Variants in COL19A1 observed in about 807,000 individuals in gnomAD.
The protein encoded by COL19A1 is collagen alpha-1(XIX) chain.
In COL19A1, 159 loss-of-function variants were observed where a neutral mutation model predicts 190.2. The ratio of observed to expected loss-of-function variants is 0.84; its 90% CI spans 0.73 to 0.95. COL19A1 has a LOEUF of 0.95. COL19A1 is among the 40% of genes least tolerant of loss of function. COL19A1 has a pLI of 0.00. For synonymous variants in COL19A1, 509 were observed against 458.9 expected, an observed-to-expected ratio of 1.11 and a Z score of -1.39; for missense variants, 1,418 against 1,431.9, an observed-to-expected ratio of 0.99 and a Z score of 0.16.
At chr6:70,195,086 A>G (rs549356) in intron 48 of COL19A1, among the ~76,000 whole-genome samples, 4,510 of 149,060 alleles carry the variant, frequency 0.03, 240 homozygotes, top group African/African-American at 0.1. Context: ...TTATGTATGT[A>G]TATATGTACT....
chr6:69,881,810 A>G (rs891160016), intron 2 of COL19A1, among the ~76,000 whole-genome samples: 1 of 152,220 alleles, frequency 6.6e-6, no homozygotes, highest in Non-Finnish European at 1.5e-5. Flanking sequence ...TGTGATGGAA[A>G]TTGCTTAACT....
intron 17 of COL19A1, among the ~76,000 whole-genome samples, chr6:70,126,631 G>T (rs1785213748): frequency 6.6e-6 from 1 of 152,158 alleles, no homozygotes; most frequent in African/African-American, 2.4e-5. Context: ...TTTCAAGTGA[G>T]CACAGCTTTC....
At chr6:70,177,377 C>T (rs948610653) in intron 42 of COL19A1, among the ~76,000 whole-genome samples, 3 of 152,012 alleles carry the variant, frequency 2.0e-5, no homozygotes, top group Admixed American at 6.6e-5. Context: ...AGTCACCCAC[C>T]GAGATCTACT....
At chr6:69,993,062 G>C (rs9454934) in intron 11 of COL19A1, among the ~76,000 whole-genome samples, 2 of 152,028 alleles carry the variant, frequency 1.3e-5, no homozygotes, top group African/African-American at 4.8e-5. Flanking sequence ...TCCAGCTTTT[G>C]CCCATTCGGT....
intron 11 of COL19A1, among the ~76,000 whole-genome samples, chr6:69,967,433 G>A (rs1775181954): frequency 6.6e-6 from 1 of 152,230 alleles, no homozygotes. Context: ...CTGCAGCTGT[G>A]AGAGTCCATG....
intron 11 of COL19A1, among the ~76,000 whole-genome samples, chr6:69,975,438 A>G (rs188054723): frequency 2.6e-5 from 4 of 152,300 alleles, no homozygotes; most frequent in Non-Finnish European, 5.9e-5. Context: ...GGCTATTTCA[A>G]TGTCTTCACC....
chr6:70,130,231 G>GTT lies in COL19A1; in HGVS notation c.1383+8_1383+9insTT, dbSNP rs756558111. The GTT allele has an allele frequency of 1.9e-6, 3 of 1,607,644 alleles. No individual in the cohort carries two copies. The highest frequency in any genetic ancestry group is 2.7e-5 in the African/African-American group (2 of 73,062). ...GGCCTGAAAGGAGACAAGGTAATCA[G>GTT]ATTTTTTTTTTTTAGATGGAGTCTT... is the stretch of plus-strand genomic sequence containing the variant. On this transcript the variant is annotated intron_variant, in intron 18 of 50. Transcript: ENST00000620364.
chr6:69,887,261 A>G (rs530657232), intron 2 of COL19A1, among the ~76,000 whole-genome samples: 1 of 152,356 alleles, frequency 6.6e-6, no homozygotes, highest in Admixed American at 6.5e-5. Flanking sequence ...CCCTACATAC[A>G]TTGTGAGTAA....
intron 34 of COL19A1, among the ~76,000 whole-genome samples, chr6:70,159,147 C>CAAA (rs3840404): frequency 5.9e-5 from 8 of 135,440 alleles, no homozygotes; most frequent in African/African-American, 1.6e-4. Context: ...CTAAAAGTAG[C>CAAA]AAAAAAAAAA....
chr6:70,156,278 G>A, intron 32 of COL19A1, 38 bp from the exon 33 acceptor site: 1 of 1,613,154 alleles, frequency 6.2e-7, no homozygotes, highest in South Asian at 1.1e-5. Flanking sequence ...GTTACATGTA[G>A]TGCATCCTCT....
chr6:70,102,231 A>G lies in COL19A1; in HGVS notation c.1278+9A>G, dbSNP rs7772672. On this transcript the variant is annotated intron_variant, in intron 16 of 50. Coordinates refer to ENST00000620364, the MANE Select transcript of COL19A1 (RefSeq NM_001858.6). Reference sequence around the variant, plus strand: ...GACCCCCAGGACCACCTGTGAGTAAACAATACAATGACTGTCCCTTTAAAG... The same window carrying G: ...GACCCCCAGGACCACCTGTGAGTAAGCAATACAATGACTGTCCCTTTAAAG... The G allele has an allele frequency of 0.92, 1,478,011 of 1,603,140 alleles. 685,897 individuals are homozygous for G. The highest frequency in any genetic ancestry group is 0.99 in the African/African-American group (73,845 of 74,804).
chr6:70,190,221 A>C (rs1766776068), intron 47 of COL19A1, 94 bp from the exon 48 acceptor site: 2 of 910,420 alleles, frequency 2.2e-6, no homozygotes, highest in South Asian at 3.0e-5. Flanking sequence ...GCATCCCTAC[A>C]GAAGTTTCAA....
chr6:70,025,392 A>G (rs1332048737), intron 12 of COL19A1, among the ~76,000 whole-genome samples: 1 of 152,226 alleles, frequency 6.6e-6, no homozygotes, highest in South Asian at 2.1e-4. Flanking sequence ...GCAAAGAGTT[A>G]TTAAGATTAT....
At chr6:70,182,523 C>G (rs1247553028) in intron 44 of COL19A1, among the ~76,000 whole-genome samples, 1 of 152,128 alleles carries the variant, frequency 6.6e-6, no homozygotes, top group Non-Finnish European at 1.5e-5. Context: ...AAAGTGGAGT[C>G]ACTGTGGATA....
At chr6:70,104,710 A>G (rs1374292216) in intron 16 of COL19A1, among the ~76,000 whole-genome samples, 1 of 152,250 alleles carries the variant, frequency 6.6e-6, no homozygotes, top group African/African-American at 2.4e-5. Flanking sequence ...TGCTTTAAAG[A>G]AGAAAAGCTG....
chr6:69,954,681 C>A (rs1774311647), intron 9 of COL19A1, among the ~76,000 whole-genome samples: 1 of 152,042 alleles, frequency 6.6e-6, no homozygotes, highest in Admixed American at 6.6e-5. Flanking sequence ...CCCTCTCTCT[C>A]AAACACAAAT....
chr6:69,913,007 G>T (rs1771059642), intron 4 of COL19A1, among the ~76,000 whole-genome samples: 1 of 152,144 alleles, frequency 6.6e-6, no homozygotes. Flanking sequence ...AGGATTGCTT[G>T]AGCCCAGGGA....
intron 16 of COL19A1, among the ~76,000 whole-genome samples, chr6:70,114,094 G>T (rs1784428554): frequency 6.6e-6 from 1 of 151,912 alleles, no homozygotes; most frequent in African/African-American, 2.4e-5. Context: ...CAAGCAATCT[G>T]CCCGTCTTGG....
chr6:70,079,643 G>A (rs1236654564), intron 15 of COL19A1, among the ~76,000 whole-genome samples: 1 of 152,156 alleles, frequency 6.6e-6, no homozygotes, highest in Non-Finnish European at 1.5e-5. Flanking sequence ...GAGGATGGAG[G>A]TTGAGAAAAA....
Sources: gnomAD v4.1 joint callset for allele counts (sites outside exome capture counted in the v4.1 genomes callset) on GRCh38, gnomAD v4.1.1 for gene constraint, MANE v1.5 for transcripts, NCBI Gene and HGNC (gene_info 2026-07-23, HGNC 2026-07-21) for gene names.